SNTB1: variants seen among roughly 807,000 people sequenced by gnomAD.
SNTB1 encodes the protein beta-1-syntrophin.
A neutral mutation model predicts 48.9 loss-of-function variants in SNTB1; 36 were observed. The observed-to-expected ratio is 0.74, with a 90% CI of 0.56 to 0.97. SNTB1 has a LOEUF of 0.97. SNTB1 is among the 50% of genes least tolerant of loss of function. The probability of loss-of-function intolerance (pLI) is 0.00; values close to 1 mark genes in which losing one functional copy is unlikely to be tolerated. For synonymous variants in SNTB1, 299 were observed against 294.6 expected (o/e 1.01, Z -0.15); for missense variants, 786 against 703.4 (o/e 1.12, Z -1.33).
Position 120,548,783 on chromosome 8 carries a change from G to T in SNTB1, c.1312C>A (p.Leu438Ile). ...TCACCAGTGCTGATTTCAGCAATGAGTTCAGCAGAATTGTGGCAACCCTGT... is the reference window on the plus strand; with the variant it reads ...TCACCAGTGCTGATTTCAGCAATGATTTCAGCAGAATTGTGGCAACCCTGT... ...IVQGCHNSAE[L>I]IAEISTACTY... The change falls in exon 5 of 7, where the codon CTC becomes ATC. Residue 438 changes from leucine to isoleucine, a missense_variant. By Grantham distance (5) the Leu-to-Ile change is conservative. Transcript: ENST00000517992. The T allele has an allele frequency of 6.2e-7, 1 of 1,614,116 alleles. No homozygotes were observed. The highest frequency in any genetic ancestry group is 2.2e-5 in the East Asian group (1 of 44,862).
At chr8:120,796,275 A>C (rs992021148) in intron 1 of SNTB1, among the ~76,000 whole-genome samples, 6 of 152,046 alleles carry the variant, frequency 3.9e-5, no homozygotes, top group African/African-American at 1.4e-4. Flanking sequence ...TGAGCCAATT[A>C]AACCTCTTTT....
intron 2 of SNTB1, among the ~76,000 whole-genome samples, chr8:120,673,714 A>C (rs377160926): frequency 3.4e-5 from 5 of 146,272 alleles, no homozygotes; most frequent in Admixed American, 2.8e-4. Flanking sequence ...ACTGGTTGGC[A>C]CCAGGGCCTC....
intron 1 of SNTB1, among the ~76,000 whole-genome samples, chr8:120,803,161 T>C (rs1820259486): frequency 1.3e-5 from 2 of 152,202 alleles, no homozygotes; most frequent in South Asian, 4.1e-4. Flanking sequence ...CAAAGAATGA[T>C]GCTTCAAACC....
rs1290721767 is a variant in SNTB1, at chr8:120,647,799, C to CT, written c.789-15149dup. ...TCTCCCATTATTAATGTGTGGGAGT[C>CT]TAAGTCTCTTTGTAGGTCACTCAGG... is the stretch of plus-strand genomic sequence containing the variant. On this transcript the variant is annotated intron_variant, in intron 2 of 6. Coordinates refer to ENST00000517992, the MANE Select transcript of SNTB1 (RefSeq NM_021021.4). 6.2e-4 allele frequency among the ~76,000 whole-genome samples: 22 copies of CT among 35,350 alleles called. 1 individual carries two copies. Among genetic ancestry groups the CT allele is most frequent in the African/African-American group, 2.5e-3 (21 of 8,236 alleles). The allele number at this position is 35,350 out of a possible 152,430, so 23.2% of individuals were successfully genotyped here.
At chr8:120,766,092 C>G (rs1819519575) in intron 1 of SNTB1, among the ~76,000 whole-genome samples, 1 of 152,290 alleles carries the variant, frequency 6.6e-6, no homozygotes, top group South Asian at 2.1e-4. Context: ...AGGCATTATA[C>G]TGGCACTAAA....
At chr8:120,735,587 A>G (rs1243170293) in intron 1 of SNTB1, among the ~76,000 whole-genome samples, 1 of 152,198 alleles carries the variant, frequency 6.6e-6, no homozygotes, top group Non-Finnish European at 1.5e-5. Flanking sequence ...CACCAAGGTT[A>G]TATGTACACA....
chr8:120,743,801 G>C (rs1438621789), intron 1 of SNTB1, among the ~76,000 whole-genome samples: 1 of 152,038 alleles, frequency 6.6e-6, no homozygotes, highest in African/African-American at 2.4e-5. Flanking sequence ...TATATCACAG[G>C]GTCCAATACA....
At chr8:120,637,740 C>A in intron 2 of SNTB1, 1 of 433,746 alleles carries the variant, frequency 2.3e-6, no homozygotes, top group South Asian at 1.8e-5. Flanking sequence ...TTCAACAGTT[C>A]ACAGCATAAG....
intron 4 of SNTB1, among the ~76,000 whole-genome samples, chr8:120,554,961 T>C (rs1815541874): frequency 6.6e-6 from 1 of 152,138 alleles, no homozygotes; most frequent in Non-Finnish European, 1.5e-5. Context: ...ACACCAAAAA[T>C]CACTCGCTAA....
chr8:120,553,898 T>A (rs1459421333), intron 4 of SNTB1, among the ~76,000 whole-genome samples: 1 of 152,108 alleles, frequency 6.6e-6, no homozygotes, highest in Non-Finnish European at 1.5e-5. Flanking sequence ...CTCGGGAGGC[T>A]GAGGCAGGAG....
intron 2 of SNTB1, among the ~76,000 whole-genome samples, chr8:120,641,374 C>T (rs1817194241): frequency 1.3e-5 from 2 of 152,144 alleles, no homozygotes; most frequent in African/African-American, 2.4e-5. Flanking sequence ...CATGCAAATA[C>T]GTCATTTACA....
intron 2 of SNTB1, among the ~76,000 whole-genome samples, chr8:120,634,868 T>C (rs1162539827): frequency 6.6e-6 from 1 of 151,776 alleles, no homozygotes; most frequent in African/African-American, 2.4e-5. Context: ...TTTTTTTTTT[T>C]TGAGACGGAG....
rs144393579 is a variant in SNTB1, at chr8:120,666,162, G to A, written c.788+27530C>T. Among the ~76,000 whole-genome samples the A allele has an allele frequency of 1.8e-3, 269 of 152,262 alleles. 2 individuals carry two copies. The highest frequency in any genetic ancestry group is 5.9e-3 in the African/African-American group (247 of 41,554). On this transcript the variant is annotated intron_variant, in intron 2 of 6. Transcript: ENST00000517992. ...AATCAATGAGGAAAGTGTTACCATC[G>A]TAACATTATGTAGTTATTCCTTTCC... is the stretch of plus-strand genomic sequence containing the variant.
In SNTB1 at chr8:120,590,299, G is replaced by A. The variant is rs536704504; in HGVS notation, c.997-15074C>T. Among the ~76,000 whole-genome samples, 5 of 152,222 alleles carry A rather than the reference G, an allele frequency of 3.3e-5. No individual in the cohort carries two copies. In the South Asian group the frequency reaches 8.3e-4, roughly 25 times the overall value. On this transcript the variant is annotated intron_variant, in intron 3 of 6. Coordinates refer to ENST00000517992, the MANE Select transcript of SNTB1 (RefSeq NM_021021.4). ...CCCTTTTGCCATGAATGATACATAG[G>A]TGGCCAACATGCTCCTTGCTGGAGT... is the stretch of plus-strand genomic sequence containing the variant.
At chr8:120,705,116 G>T (rs985385752) in intron 1 of SNTB1, among the ~76,000 whole-genome samples, 1 of 152,212 alleles carries the variant, frequency 6.6e-6, no homozygotes, top group African/African-American at 2.4e-5. Flanking sequence ...CTTGTTGAAA[G>T]GCTCAGGAAA....
At chr8:120,811,130 T>A (rs1205383051) in intron 1 of SNTB1, 143 bp downstream of exon 1, 2 of 1,175,440 alleles carry the variant, frequency 1.7e-6, no homozygotes, top group Non-Finnish European at 2.3e-6. Context: ...TGCGCCACCC[T>A]TCCCCCCCCC....
rs201068146 is a variant in SNTB1 at position 120,753,310 on chromosome 8, A to T, written c.571+57963T>A. On this transcript the variant is annotated intron_variant, in intron 1 of 6. Transcript: ENST00000517992. The stretch of plus-strand genomic sequence containing the variant: ...AGATGGTTTGAAACATGGTAATGAT[A>T]TAATTGCGTAACTTTAAAAAGTTCT... 1.6e-4 allele frequency among the ~76,000 whole-genome samples: 25 copies of T among 152,294 alleles called. No individual in the cohort carries two copies. In the East Asian group the frequency reaches 2.3e-3, roughly 14 times the overall value.
chr8:120,599,594 T>G (rs1816388501), intron 3 of SNTB1, among the ~76,000 whole-genome samples: 1 of 152,228 alleles, frequency 6.6e-6, no homozygotes, highest in Non-Finnish European at 1.5e-5. Context: ...CATTTCACTG[T>G]TGGAAAATCC....
At chr8:120,666,964 A>G (rs1817681835) in intron 2 of SNTB1, among the ~76,000 whole-genome samples, 1 of 152,038 alleles carries the variant, frequency 6.6e-6, no homozygotes, top group African/African-American at 2.4e-5. Context: ...TATATTAACT[A>G]TTTAAAGGTC....
Sources: gnomAD v4.1 joint callset for allele counts (sites outside exome capture counted in the v4.1 genomes callset) on GRCh38, gnomAD v4.1.1 for gene constraint, MANE v1.5 for transcripts, NCBI Gene and HGNC (gene_info 2026-07-23, HGNC 2026-07-21) for gene names.